Variants in ZNF469 observed in about 807,000 individuals in gnomAD.
The protein encoded by ZNF469 is zinc finger protein 469.
Under a neutral mutation model 1.0 loss-of-function variants are expected in ZNF469, and 1 was observed. The observed-to-expected ratio is 1.00, with a 90% CI of 0.35 to 4.73. The LOEUF (loss-of-function observed/expected upper bound fraction) is 4.73. ZNF469 is among the 30% of genes most tolerant of loss of function. The probability of loss-of-function intolerance (pLI) is 0.16; values close to 1 mark genes in which losing one functional copy is unlikely to be tolerated. For synonymous variants in ZNF469, 2,703 were observed against 2,363.4 expected, an observed-to-expected ratio of 1.14 and a Z score of -4.17; for missense variants, 6,100 against 5,356.3, an observed-to-expected ratio of 1.14 and a Z score of -4.33.
the ZNF469 span, among the ~76,000 whole-genome samples, chr16:88,189,019 C>T: frequency 2.0e-5 from 3 of 152,050 alleles, no homozygotes; most frequent in African/African-American, 7.2e-5. The surrounding 1 kb of genome is among the most constrained non-coding windows in gnomAD (Gnocchi z 4.3). Flanking sequence ...CTTTCTCAAA[C>T]CTTGTGTCTA....
At chr16:88,207,392 C>G in the ZNF469 span, among the ~76,000 whole-genome samples, 2 of 52,204 alleles carry the variant, frequency 3.8e-5, no homozygotes, top group African/African-American at 1.6e-4. Flanking sequence ...GGGGAGGCCG[C>G]GGGGACGGAG....
At chr16:88,228,606 GT>G in the ZNF469 span, among the ~76,000 whole-genome samples, 1 of 152,288 alleles carries the variant, frequency 6.6e-6, no homozygotes, top group South Asian at 2.1e-4. Flanking sequence ...GGCAACTCCT[GT>G]TTTTTTGCAA....
chr16:88,381,006 A>C (rs1304406491), upstream of ZNF469, among the ~76,000 whole-genome samples: 1 of 146,848 alleles, frequency 6.8e-6, no homozygotes, highest in East Asian at 2.1e-4. Context: ...ATGCACTCAC[A>C]CACATGCGCT....
the ZNF469 span, among the ~76,000 whole-genome samples, chr16:88,150,643 C>T: frequency 1.7e-4 from 26 of 151,650 alleles, no homozygotes; most frequent in African/African-American, 4.8e-4. Flanking sequence ...TTTGGACCCA[C>T]GGTGAAAATC....
chr16:88,196,068 T>C, the ZNF469 span, among the ~76,000 whole-genome samples: 3 of 152,234 alleles, frequency 2.0e-5, no homozygotes, highest in Non-Finnish European at 2.9e-5. Context: ...CTCTGACTTA[T>C]CCATCTGCAT....
the ZNF469 span, among the ~76,000 whole-genome samples, chr16:88,140,473 A>AGCCACGTAG: frequency 7.9e-5 from 12 of 151,238 alleles, no homozygotes; most frequent in African/African-American, 2.7e-4. Context: ...GGTAGCACGG[A>AGCCACGTAG]AAGTCAGTGA....
chr16:88,172,658 A>G, the ZNF469 span, among the ~76,000 whole-genome samples: 1 of 152,236 alleles, frequency 6.6e-6, no homozygotes, highest in Admixed American at 6.5e-5. Flanking sequence ...ATCATAAGTG[A>G]CAGATGATGG....
chr16:88,329,622 G>T, the ZNF469 span, among the ~76,000 whole-genome samples: 1 of 152,234 alleles, frequency 6.6e-6, no homozygotes, highest in Non-Finnish European at 1.5e-5. Context: ...CAAATCCTGG[G>T]AGCGCTTCGG....
At chr16:88,179,664 T>C in the ZNF469 span, among the ~76,000 whole-genome samples, 1 of 152,174 alleles carries the variant, frequency 6.6e-6, no homozygotes, top group African/African-American at 2.4e-5. Flanking sequence ...CAGGAACCTG[T>C]GTGATTCCCA....
chr16:88,228,124 A>G, the ZNF469 span, among the ~76,000 whole-genome samples: 2 of 152,248 alleles, frequency 1.3e-5, no homozygotes, highest in African/African-American at 4.8e-5. Flanking sequence ...ACGCCTGTAA[A>G]GACCCTCTTT....
At chr16:88,255,158 A>G in the ZNF469 span, among the ~76,000 whole-genome samples, 1 of 152,246 alleles carries the variant, frequency 6.6e-6, no homozygotes, top group Non-Finnish European at 1.5e-5. Context: ...GTAATTTAAG[A>G]CATTCACAGT....
the ZNF469 span, among the ~76,000 whole-genome samples, chr16:88,204,004 C>T: frequency 6.6e-6 from 1 of 152,020 alleles, no homozygotes; most frequent in Non-Finnish European, 1.5e-5. Context: ...CACAGAGTGG[C>T]CAGAGGTGTC....
chr16:88,430,936 G>C lies in ZNF469; in HGVS notation c.3466G>C (p.Glu1156Gln), dbSNP rs899515970. The change falls in exon 3 of 3, where the codon GAG (glutamate) becomes CAG (glutamine). Residue 1156 changes from glutamate to glutamine, a missense_variant. Physicochemically the swap from Glu to Gln is conservative, Grantham distance 29. Transcript: ENST00000565624. ...AGGDGAPANP[E>Q]EPGGSRPGPG... Reference sequence around the variant, plus strand: ...CGGGGACGGAGCCCCCGCGAACCCCGAGGAGCCGGGCGGGTCTCGCCCGGG... The same window carrying C: ...CGGGGACGGAGCCCCCGCGAACCCCCAGGAGCCGGGCGGGTCTCGCCCGGG... 1.3e-6 allele frequency: 2 copies of C among 1,535,854 alleles called. No individual in the cohort carries two copies. The highest frequency in any genetic ancestry group is 2.7e-5 in the African/African-American group (2 of 72,762).
the ZNF469 span, among the ~76,000 whole-genome samples, chr16:88,230,979 GACAC>G: frequency 6.6e-6 from 1 of 152,126 alleles, no homozygotes; most frequent in Non-Finnish European, 1.5e-5. Flanking sequence ...AGGGACCCAG[GACAC>G]ACGGCTGGAA....
At chr16:88,378,964 A>C (rs2092515046), upstream of ZNF469, among the ~76,000 whole-genome samples, 1 of 152,104 alleles carries the variant, frequency 6.6e-6, no homozygotes, top group Admixed American at 6.5e-5. Context: ...CCTTGCTCTC[A>C]AGGTGCATGG....
At position 88,428,663 on chromosome 16, in the gene ZNF469, C is replaced by G; in HGVS notation, c.1193C>G (p.Pro398Arg). 1 of 1,550,008 alleles carries G rather than the reference C, an allele frequency of 6.5e-7. No homozygotes were observed. Among genetic ancestry groups the G allele is most frequent in the Non-Finnish European group, 8.7e-7 (1 of 1,146,816 alleles). Reference sequence around the variant, plus strand: ...GGGCTGGGGAGCACGAGAGGGCCCCCTAGCTCCCTACCCCAGAGGCACTTT... The same window carrying G: ...GGGCTGGGGAGCACGAGAGGGCCCCGTAGCTCCCTACCCCAGAGGCACTTT... ...QDGLGSTRGPPSSLPQRHFPG... is the reference protein window; with the variant it reads ...QDGLGSTRGPRSSLPQRHFPG... Residue 398 changes from proline to arginine, a missense_variant, in exon 3 of 3, where the codon CCT (proline) becomes CGT (arginine). Pro to Arg is a moderately radical substitution (Grantham distance 103). Transcript: ENST00000565624.
the ZNF469 span, among the ~76,000 whole-genome samples, chr16:88,275,127 GATTA>G: frequency 3.3e-5 from 5 of 152,206 alleles, no homozygotes; most frequent in Non-Finnish European, 5.9e-5. Context: ...ACCTGGAAAC[GATTA>G]ATTAATTAGA....
At chr16:88,350,552 G>A in the ZNF469 span, among the ~76,000 whole-genome samples, 1 of 152,234 alleles carries the variant, frequency 6.6e-6, no homozygotes, top group Admixed American at 6.5e-5. Flanking sequence ...AATTAACAGG[G>A]GAGGCAGACC....
At chr16:88,261,649 A>G in the ZNF469 span, among the ~76,000 whole-genome samples, 2 of 151,918 alleles carry the variant, frequency 1.3e-5, no homozygotes, top group Non-Finnish European at 2.9e-5. This position sits in a 1 kb window ranked among gnomAD's most constrained non-coding sequence, Gnocchi z 6.0. Flanking sequence ...TGAAAGTGAC[A>G]CCTGCCTTTG....
Sources: gnomAD v4.1 joint callset for allele counts (sites outside exome capture counted in the v4.1 genomes callset) on GRCh38, gnomAD v4.1.1 for gene constraint, Gnocchi (gnomAD v3.1) non-coding constraint, MANE v1.5 for transcripts, NCBI Gene and HGNC (gene_info 2026-07-23, HGNC 2026-07-21) for gene names.